Variants in XKR6 observed in about 807,000 individuals in gnomAD.
The protein encoded by XKR6 is XK related 6.
A neutral mutation model predicts 56.7 loss-of-function variants in XKR6; 22 were observed. The ratio of observed to expected loss-of-function variants is 0.39; its 90% CI spans 0.28 to 0.55. The LOEUF (loss-of-function observed/expected upper bound fraction) is 0.55. Among genes scored for constraint, XKR6 ranks in the 20% least tolerant of loss-of-function variants. XKR6 has a pLI of 0.66. For missense variants in XKR6, 852 were observed against 889.0 expected (o/e 0.96, Z 0.53); for synonymous variants, 524 against 387.8 (o/e 1.35, Z -4.13).
rs1310421808 is a variant in XKR6, at chr8:11,190,216, G to GA, written c.764+10359dup. On this transcript the variant is annotated intron_variant, in intron 1 of 2. Transcript: ENST00000416569. The stretch of plus-strand genomic sequence containing the variant: ...GAAAGAAAGAAAGAAAAGAAAGAAA[G>GA]AAAGAAAGAGAAAAGAAAAAAGAAA... 1.7e-4 allele frequency among the ~76,000 whole-genome samples: 20 copies of GA among 116,438 alleles called. No individual in the cohort carries two copies. In the East Asian group the frequency reaches 4.0e-3, roughly 23 times the overall value. The allele number at this position is 116,438 out of a possible 152,430, so 76.4% of individuals were successfully genotyped here.
chr8:11,140,323 A>C (rs887695008), intron 1 of XKR6, among the ~76,000 whole-genome samples: 2 of 152,230 alleles, frequency 1.3e-5, no homozygotes, highest in African/African-American at 4.8e-5. Context: ...CTATACACTG[A>C]GAGAACATAC....
intron 1 of XKR6, among the ~76,000 whole-genome samples, chr8:11,107,114 A>G (rs1414468315): frequency 6.6e-6 from 1 of 152,146 alleles, no homozygotes; most frequent in Non-Finnish European, 1.5e-5. Flanking sequence ...GCTAAAAATG[A>G]GCAACATTTC....
At chr8:10,987,340 A>T (rs1797884362) in intron 1 of XKR6, among the ~76,000 whole-genome samples, 1 of 152,214 alleles carries the variant, frequency 6.6e-6, no homozygotes, top group African/African-American at 2.4e-5. Context: ...ATAAGAGCAG[A>T]ATCATTATCA....
chr8:10,897,809 T>A lies in XKR6; in HGVS notation c.*143A>T. Reference sequence around the variant, plus strand: ...TGTGACTTATTAATTCTTTTTTTTTTGTAGTGGTGGTGTTGGTGTGGCGGT... The same window carrying A: ...TGTGACTTATTAATTCTTTTTTTTTAGTAGTGGTGGTGTTGGTGTGGCGGT... On this transcript the variant is annotated 3_prime_UTR_variant, in exon 3 of 3. Coordinates refer to ENST00000416569, the MANE Select transcript of XKR6 (RefSeq NM_173683.4). The A allele has an allele frequency of 9.7e-7, 1 of 1,025,834 alleles. No individual in the cohort carries two copies. The allele number at this position is 1,025,834 out of a possible 1,614,324, so 63.5% of individuals were successfully genotyped here.
At chr8:11,039,210 T>C (rs1241727978) in intron 1 of XKR6, among the ~76,000 whole-genome samples, 2 of 152,226 alleles carry the variant, frequency 1.3e-5, no homozygotes, top group Non-Finnish European at 2.9e-5. Context: ...CCAGCCAATG[T>C]ACTGAAGTCA....
intron 1 of XKR6, among the ~76,000 whole-genome samples, chr8:11,081,325 T>G (rs532586478): frequency 2.0e-5 from 3 of 152,316 alleles, no homozygotes; most frequent in African/African-American, 7.2e-5. Flanking sequence ...CCTGCAGGGG[T>G]AGAATTACAC....
At chr8:10,941,424 A>G (rs1801384388) in intron 1 of XKR6, among the ~76,000 whole-genome samples, 1 of 152,222 alleles carries the variant, frequency 6.6e-6, no homozygotes, top group African/African-American at 2.4e-5. Flanking sequence ...AACTGAGGCA[A>G]AGGAACTGGC....
At chr8:10,971,601 T>A (rs1305240464) in intron 1 of XKR6, among the ~76,000 whole-genome samples, 2 of 152,022 alleles carry the variant, frequency 1.3e-5, no homozygotes, top group Non-Finnish European at 2.9e-5. Flanking sequence ...CCCAGAGAAG[T>A]TGAGCAACTT....
intron 1 of XKR6, among the ~76,000 whole-genome samples, chr8:10,926,128 G>A (rs961367804): frequency 6.6e-6 from 1 of 152,176 alleles, no homozygotes; most frequent in Non-Finnish European, 1.5e-5. Flanking sequence ...GTGCATGGCT[G>A]ACACCCTATC....
intron 1 of XKR6, among the ~76,000 whole-genome samples, chr8:11,008,407 G>A (rs1047766027): frequency 4.7e-5 from 7 of 148,610 alleles, no homozygotes; most frequent in Non-Finnish European, 1.0e-4. Flanking sequence ...CCCTAAAGGG[G>A]GCTCCCCAGG....
intron 1 of XKR6, among the ~76,000 whole-genome samples, chr8:11,189,358 A>C (rs1472696769): frequency 6.6e-6 from 1 of 152,228 alleles, no homozygotes; most frequent in Non-Finnish European, 1.5e-5. Flanking sequence ...TTTTGGATCA[A>C]AGGAATCCTC....
At chr8:10,919,298 C>G (rs76891649) in intron 2 of XKR6, among the ~76,000 whole-genome samples, 2,319 of 152,328 alleles carry the variant, frequency 0.015, 63 homozygotes, top group African/African-American at 0.051. Flanking sequence ...TGGCAGCTCT[C>G]TGGAGGGGCT....
chr8:10,948,688 C>T (rs535963631), intron 1 of XKR6, among the ~76,000 whole-genome samples: 9 of 152,128 alleles, frequency 5.9e-5, no homozygotes, highest in Non-Finnish European at 1.0e-4. Context: ...TATAGCACCC[C>T]CTGCCAGCTG....
intron 1 of XKR6, among the ~76,000 whole-genome samples, chr8:11,166,961 C>G (rs1802107936): frequency 6.6e-6 from 1 of 152,086 alleles, no homozygotes; most frequent in South Asian, 2.1e-4. Flanking sequence ...AGGTGATTGC[C>G]AGGGAGATAC....
chr8:11,013,000 A>G (rs1798534953), intron 1 of XKR6, among the ~76,000 whole-genome samples: 1 of 152,214 alleles, frequency 6.6e-6, no homozygotes, highest in South Asian at 2.1e-4. Context: ...ATTTGCCTGT[A>G]GACATGCCTT....
At chr8:11,003,119 A>C (rs906057791) in intron 1 of XKR6, among the ~76,000 whole-genome samples, 1 of 152,156 alleles carries the variant, frequency 6.6e-6, no homozygotes, top group African/African-American at 2.4e-5. Context: ...TTAATTCAGG[A>C]AGCATCAACC....
chr8:11,097,807 CAAAAAA>C (rs1196874380), intron 1 of XKR6, among the ~76,000 whole-genome samples: 3 of 62,952 alleles, frequency 4.8e-5, no homozygotes, highest in Admixed American at 1.9e-4. Context: ...GACTCCATCT[CAAAAAA>C]AAAAAAAAAA....
chr8:10,954,866 CTTTTT>C (rs34248780), intron 1 of XKR6, among the ~76,000 whole-genome samples: 1,755 of 92,812 alleles, frequency 0.019, 49 homozygotes, highest in Middle Eastern at 0.063. Context: ...ACTTCATTCT[CTTTTT>C]TTTTTTTTTT....
intron 1 of XKR6, among the ~76,000 whole-genome samples, chr8:11,134,795 T>C (rs1028417755): frequency 2.0e-5 from 3 of 152,040 alleles, no homozygotes; most frequent in East Asian, 3.8e-4. Flanking sequence ...GTGGTGTTAT[T>C]TGTAACAGCA....
Sources: gnomAD v4.1 joint callset for allele counts (sites outside exome capture counted in the v4.1 genomes callset) on GRCh38, gnomAD v4.1.1 for gene constraint, MANE v1.5 for transcripts, NCBI Gene and HGNC (gene_info 2026-07-23, HGNC 2026-07-21) for gene names.